ZNF609: variants seen among roughly 807,000 people sequenced by gnomAD.
ZNF609 encodes the protein zinc finger protein 609.
Under a neutral mutation model 109.5 loss-of-function variants are expected in ZNF609, and 11 were observed. The ratio of observed to expected loss-of-function variants is 0.10; its 90% CI spans 0.06 to 0.17. ZNF609 has a LOEUF of 0.17. Ranked by LOEUF, ZNF609 falls within the 10% of genes least tolerant of loss-of-function variation. The pLI is 1.00. For missense variants in ZNF609, 1,559 were observed against 1,772.4 expected (o/e 0.88, Z 2.16); for synonymous variants, 646 against 662.0 (o/e 0.98, Z 0.37).
intron 4 of ZNF609, among the ~76,000 whole-genome samples, 156 bp downstream of exon 4, chr15:64,670,589 G>C (rs1470274292): frequency 6.6e-6 from 1 of 152,116 alleles, no homozygotes; most frequent in Non-Finnish European, 1.5e-5. Context: ...CATTCAAGAA[G>C]ACTGAATGGC....
At chr15:64,645,402 C>G (rs1567038167) in intron 3 of ZNF609, among the ~76,000 whole-genome samples, 2 of 151,780 alleles carry the variant, frequency 1.3e-5, no homozygotes, top group Non-Finnish European at 2.9e-5. Context: ...CCTACATTTT[C>G]TGCCCCACAA....
chr15:64,619,055 G>A (rs554695466), intron 2 of ZNF609, among the ~76,000 whole-genome samples: 60 of 152,256 alleles, frequency 3.9e-4, no homozygotes, highest in Middle Eastern at 6.8e-3. Flanking sequence ...CATTTAAAGG[G>A]ACCACGTTCT....
chr15:64,546,765 C>A (rs1894369613), intron 2 of ZNF609, among the ~76,000 whole-genome samples: 2 of 150,464 alleles, frequency 1.3e-5, no homozygotes, highest in Non-Finnish European at 3.0e-5. Context: ...TGAGCCACAA[C>A]AACCCAGCCA....
At chr15:64,482,840 AG>A in intron 1 of ZNF609, among the ~76,000 whole-genome samples, 1 of 152,312 alleles carries the variant, frequency 6.6e-6, no homozygotes, top group African/African-American at 2.4e-5. Context: ...TTAGTCATGG[AG>A]TGTCAGAAAA....
intron 2 of ZNF609, among the ~76,000 whole-genome samples, chr15:64,540,312 C>A (rs1247004492): frequency 3.3e-5 from 5 of 152,170 alleles, no homozygotes; most frequent in South Asian, 4.1e-4. Flanking sequence ...ACACTAACTT[C>A]TTTTTCGAAG....
intron 2 of ZNF609, among the ~76,000 whole-genome samples, chr15:64,593,625 C>G (rs1895339551): frequency 6.6e-6 from 1 of 152,182 alleles, no homozygotes; most frequent in African/African-American, 2.4e-5. Flanking sequence ...CTCCCAGACT[C>G]ACGTAATCCT....
At chr15:64,554,531 T>C (rs1235688704) in intron 2 of ZNF609, among the ~76,000 whole-genome samples, 1 of 151,838 alleles carries the variant, frequency 6.6e-6, no homozygotes, top group Non-Finnish European at 1.5e-5. Context: ...ACTACAGGCA[T>C]GCACCTGTAG....
At position 64,675,506 on chromosome 15, in the gene ZNF609, T is replaced by A; in HGVS notation, c.2652T>A (p.Pro884=). The A allele has an allele frequency of 1.2e-6, 2 of 1,614,116 alleles. No homozygotes were observed. The highest frequency in any genetic ancestry group is 1.7e-6 in the Non-Finnish European group (2 of 1,180,030). ...AGAAAACTCTTTTTCCCCCTCAGCC[T>A]CAGAGCAAAGACTCACCATATTACC... ...GAKKTLFPPQ[P]QSKDSPYYQG... The change falls in exon 5 of 10, where the codon CCT becomes CCA. Residue 884 remains proline, a synonymous_variant. Transcript: ENST00000326648.
chr15:64,490,316 C>T (rs1452396633), intron 1 of ZNF609, among the ~76,000 whole-genome samples: 1 of 149,794 alleles, frequency 6.7e-6, no homozygotes, highest in Non-Finnish European at 1.5e-5. Context: ...TCCCGTTGCC[C>T]AGGCTGGAGT....
chr15:64,628,132 A>G (rs1258533151), intron 3 of ZNF609, among the ~76,000 whole-genome samples: 1 of 151,224 alleles, frequency 6.6e-6, no homozygotes, highest in East Asian at 2.0e-4. Context: ...TTTTAAATCT[A>G]TGCCTTAAAC....
At chr15:64,649,579 C>CGT (rs1896384992) in intron 3 of ZNF609, among the ~76,000 whole-genome samples, 1 of 152,170 alleles carries the variant, frequency 6.6e-6, no homozygotes, top group Non-Finnish European at 1.5e-5. Flanking sequence ...CACTCCAAAC[C>CGT]CTGCCTGATG....
chr15:64,551,158 C>A (rs932756916), intron 2 of ZNF609, among the ~76,000 whole-genome samples: 58 of 152,110 alleles, frequency 3.8e-4, no homozygotes, highest in African/African-American at 1.3e-3. Context: ...TAGGCTCAAG[C>A]AGTACTCCCA....
chr15:64,578,706 C>T (rs1453438257), intron 2 of ZNF609, among the ~76,000 whole-genome samples: 1 of 152,004 alleles, frequency 6.6e-6, no homozygotes, highest in Non-Finnish European at 1.5e-5. Flanking sequence ...AACAAACAAA[C>T]AAAAAATTAT....
At chr15:64,537,646 T>G (rs893180524) in intron 2 of ZNF609, among the ~76,000 whole-genome samples, 1 of 151,992 alleles carries the variant, frequency 6.6e-6, no homozygotes, top group African/African-American at 2.4e-5. Context: ...AAAGGGGAAA[T>G]TAATGGCTGG....
At chr15:64,593,244 G>A (rs1054075492) in intron 2 of ZNF609, 4 of 1,531,440 alleles carry the variant, frequency 2.6e-6, no homozygotes, top group South Asian at 2.2e-5. Context: ...AATCGATCTC[G>A]TGAAGCCCGC....
intron 2 of ZNF609, among the ~76,000 whole-genome samples, chr15:64,576,924 G>GTATATATACACATAAATATATATA (rs1894965826): frequency 9.3e-6 from 1 of 106,986 alleles, no homozygotes; most frequent in African/African-American, 3.3e-5. Flanking sequence ...ATACATATAT[G>GTATATATACACATAAATATATATA]TGTATATATA....
At chr15:64,642,951 G>A (rs1453668547) in intron 3 of ZNF609, among the ~76,000 whole-genome samples, 1 of 152,066 alleles carries the variant, frequency 6.6e-6, no homozygotes, top group Non-Finnish European at 1.5e-5. Context: ...CATTTCTGGA[G>A]GCAACTCACT....
At chr15:64,495,739 G>A (rs999791661) in intron 1 of ZNF609, among the ~76,000 whole-genome samples, 15 of 143,990 alleles carry the variant, frequency 1.0e-4, no homozygotes, top group African/African-American at 3.9e-4. Context: ...TGCATTTTTT[G>A]TTTCCTTGTA....
At chr15:64,615,875 T>C (rs751088829) in intron 2 of ZNF609, among the ~76,000 whole-genome samples, 1 of 152,234 alleles carries the variant, frequency 6.6e-6, no homozygotes, top group African/African-American at 2.4e-5. Flanking sequence ...TACCTTTTTA[T>C]TTTTGGATAA....
Sources: allele counts gnomAD v4.1 joint callset (sites outside exome capture counted in the v4.1 genomes callset), GRCh38; gene constraint gnomAD v4.1.1; transcripts MANE v1.5; gene names NCBI Gene and HGNC (gene_info 2026-07-23, HGNC 2026-07-21).